Variants in ACTN2 observed in about 807,000 individuals in gnomAD.
ACTN2 encodes the protein alpha-actinin-2.
ACTN2 carries 39 observed loss-of-function variants against 113.8 expected under a neutral mutation model. The observed-to-expected ratio is 0.34, with a 90% CI of 0.27 to 0.45. The LOEUF is 0.45. ACTN2 is among the 20% of genes least tolerant of loss of function. The pLI is 1.00. For missense variants in ACTN2, 992 were observed against 1,177.9 expected, an observed-to-expected ratio of 0.84 and a Z score of 2.31; for synonymous variants, 429 against 444.1, an observed-to-expected ratio of 0.97 and a Z score of 0.43.
chr1:236,731,463 G>T lies in ACTN2; in HGVS notation c.697+149G>T. 6.1e-6 allele frequency: 4 copies of T among 651,144 alleles called. No individual in the cohort carries two copies. The South Asian group carries it at 7.3e-5, about 12-fold the overall frequency. 40.3% of individuals were successfully genotyped at this position (651,144 alleles called of 1,614,324 possible). ...CAAATTTCTGTCACTGGCCACATAA[G>T]TAGTAGAGATTTTCATGTGTAGCTT... On this transcript the variant is annotated intron_variant, in intron 7 of 20. Transcript: ENST00000366578.
At chr1:236,688,309 G>A (rs1665947363) in intron 1 of ACTN2, among the ~76,000 whole-genome samples, 1 of 151,298 alleles carries the variant, frequency 6.6e-6, no homozygotes, top group African/African-American at 2.4e-5. Context: ...AAATAGCTAA[G>A]GAATTGGACA....
rs1392212694 is a variant in ACTN2 at position 236,763,680 on chromosome 1, T to C, written c.*1061T>C. Reference sequence around the variant, plus strand: ...TTGCGGAAGCTTTACATATGTTTTGTGTAGTAGGAATAACTAGATATTTTA... The same window carrying C: ...TTGCGGAAGCTTTACATATGTTTTGCGTAGTAGGAATAACTAGATATTTTA... On this transcript the variant is annotated 3_prime_UTR_variant, in exon 21 of 21. Transcript: ENST00000366578. 1 of 152,202 alleles carries C rather than the reference T, an allele frequency of 6.6e-6. No homozygotes were observed. Among genetic ancestry groups the C allele is most frequent in the Non-Finnish European group, 1.5e-5 (1 of 68,056 alleles). The allele number at this position is 152,202 out of a possible 1,614,324, so 9.4% of individuals were successfully genotyped here.
At chr1:236,760,677 G>GT (rs1313855978) in intron 19 of ACTN2, among the ~76,000 whole-genome samples, 1 of 152,190 alleles carries the variant, frequency 6.6e-6, no homozygotes, top group African/African-American at 2.4e-5. Flanking sequence ...CGCTTTCCTA[G>GT]TTGTAATCTG....
At chr1:236,721,553 A>G (rs1658396243) in intron 4 of ACTN2, among the ~76,000 whole-genome samples, 1 of 152,160 alleles carries the variant, frequency 6.6e-6, no homozygotes, top group Non-Finnish European at 1.5e-5. Flanking sequence ...GAATTAATAC[A>G]TAGTCTGACT....
intron 13 of ACTN2, 61 bp from the exon 14 acceptor site, chr1:236,749,063 T>TA (rs1659316706): frequency 2.5e-6 from 4 of 1,587,180 alleles, no homozygotes; most frequent in African/African-American, 1.3e-5. Flanking sequence ...AACGCCTACT[T>TA]ACACTTTCAG....
intron 18 of ACTN2, among the ~76,000 whole-genome samples, chr1:236,758,111 T>A (rs1659600767): frequency 6.6e-6 from 1 of 152,088 alleles, no homozygotes. Context: ...CATGCAGCAA[T>A]AAAATGGTGA....
chr1:236,718,686 T>C (rs545579015), intron 2 of ACTN2, among the ~76,000 whole-genome samples: 29 of 152,362 alleles, frequency 1.9e-4, no homozygotes, highest in African/African-American at 7.0e-4. Flanking sequence ...TCCTTCATAG[T>C]ATGGCTCCCT....
At chr1:236,723,380 G>A (rs1658456830) in intron 4 of ACTN2, among the ~76,000 whole-genome samples, 1 of 152,174 alleles carries the variant, frequency 6.6e-6, no homozygotes, top group Non-Finnish European at 1.5e-5. Context: ...TATAGCACAT[G>A]GAACTTTAGG....
chr1:236,708,333 C>T (rs934423920), intron 1 of ACTN2, among the ~76,000 whole-genome samples: 8 of 152,204 alleles, frequency 5.3e-5, no homozygotes, highest in African/African-American at 1.9e-4. Context: ...GGGATTAACA[C>T]ACTCATTTAC....
chr1:236,744,111 G>A (rs887404745), intron 11 of ACTN2, among the ~76,000 whole-genome samples: 1 of 152,168 alleles, frequency 6.6e-6, no homozygotes, highest in African/African-American at 2.4e-5. Context: ...TGTAAGTGGA[G>A]GGTCAGAGAG....
chr1:236,713,558 T>G (rs1412360704), intron 1 of ACTN2, among the ~76,000 whole-genome samples: 1 of 147,912 alleles, frequency 6.8e-6, no homozygotes, highest in African/African-American at 2.6e-5. Context: ...CTATGATTTG[T>G]GTTAAAGGGA....
intron 9 of ACTN2, 44 bp downstream of exon 9, chr1:236,737,258 G>A: frequency 7.7e-7 from 1 of 1,305,726 alleles, no homozygotes; most frequent in Non-Finnish European, 1.1e-6. Flanking sequence ...TCCTCACGCA[G>A]GGGCTGAGGC....
At chr1:236,691,716 C>G (rs1427147534) in intron 1 of ACTN2, among the ~76,000 whole-genome samples, 11 of 152,076 alleles carry the variant, frequency 7.2e-5, no homozygotes. Context: ...CTTTTACATC[C>G]CTTCACTCAC....
At position 236,689,128 on chromosome 1, in the gene ACTN2, G is replaced by A. The variant is rs544085676; in HGVS notation, c.126+2329G>A. On this transcript the variant is annotated intron_variant, in intron 1 of 20. Coordinates refer to ENST00000366578, the MANE Select transcript of ACTN2 (RefSeq NM_001103.4). ...AGAAGATAGTGGGTTTAGCATGAGT[G>A]CGAATAGGCGTTTCAACGTGTCTAC... is the stretch of plus-strand genomic sequence containing the variant. 5.1e-4 allele frequency among the ~76,000 whole-genome samples: 77 copies of A among 152,168 alleles called. 3 individuals carry two copies. The South Asian group carries it at 0.015, about 30-fold the overall frequency.
rs1390442560 is a variant in ACTN2 at position 236,751,650 on chromosome 1, A to C, written c.1837A>C (p.Lys613Gln). 1.2e-6 allele frequency: 2 copies of C among 1,613,806 alleles called. No individual in the cohort carries two copies. The highest frequency in any genetic ancestry group is 1.7e-6 in the Non-Finnish European group (2 of 1,179,850). Residue 613 changes from lysine (K) to glutamine (Q), a missense_variant and splice_region_variant, in exon 15 of 21, where the codon AAG becomes CAG. Coordinates refer to ENST00000366578, the MANE Select transcript of ACTN2 (RefSeq NM_001103.4). ...TMDELRTKWD[K>Q]VKQLVPIRDQ... ...GGATGAGCTCCGGACCAAGTGGGAC[A>C]AGGTGGGTGGCTGAGGGCCTGGTGT... is the stretch of plus-strand genomic sequence containing the variant.
rs1286546196 is a variant in ACTN2 at position 236,757,480 on chromosome 1, C to T, written c.2155-6C>T. 1 of 1,614,112 alleles carries T rather than the reference C, an allele frequency of 6.2e-7. No homozygotes were observed. The highest frequency in any genetic ancestry group is 1.1e-5 in the South Asian group (1 of 91,088). Reference sequence around the variant, plus strand: ...AGAACTGATCTTTCCCCTTTTCCCTCAATAGCACATTCGTGTTGGATGGGA... The same window carrying T: ...AGAACTGATCTTTCCCCTTTTCCCTTAATAGCACATTCGTGTTGGATGGGA... On this transcript the variant is annotated splice_region_variant and splice_polypyrimidine_tract_variant and intron_variant, in intron 17 of 20. Transcript: ENST00000366578.
At chr1:236,726,359 G>T (rs768323866) in intron 5 of ACTN2, among the ~76,000 whole-genome samples, 1 of 152,172 alleles carries the variant, frequency 6.6e-6, no homozygotes, top group African/African-American at 2.4e-5. Context: ...TCTCAGGGAT[G>T]AGGGAGACCC....
chr1:236,693,812 G>A (rs76195850), intron 1 of ACTN2, among the ~76,000 whole-genome samples: 1 of 152,108 alleles, frequency 6.6e-6, no homozygotes, highest in Non-Finnish European at 1.5e-5. Context: ...ACACAAGCCT[G>A]GTTGTGATAT....
intron 11 of ACTN2, 128 bp from the exon 12 acceptor site, chr1:236,744,498 C>G (rs1357866036): frequency 1.8e-5 from 21 of 1,149,926 alleles, no homozygotes; most frequent in African/African-American, 1.5e-4. Context: ...CCTGCATCTT[C>G]AGTCCTGCCC....
Sources: allele counts gnomAD v4.1 joint callset (sites outside exome capture counted in the v4.1 genomes callset), GRCh38; gene constraint gnomAD v4.1.1; transcripts MANE v1.5; gene names NCBI Gene and HGNC (gene_info 2026-07-23, HGNC 2026-07-21).